Variants in PRKAR1A observed in about 807,000 individuals in gnomAD.
The protein encoded by PRKAR1A is cAMP-dependent protein kinase type I-alpha regulatory subunit.
Under a neutral mutation model 52.0 loss-of-function variants are expected in PRKAR1A, and 3 were observed. That is an observed-to-expected ratio of 0.06 (90% confidence interval 0.03 to 0.15). PRKAR1A has a LOEUF of 0.15. Among genes scored for constraint, PRKAR1A ranks in the 10% least tolerant of loss-of-function variants. The probability of loss-of-function intolerance (pLI) is 1.00; values close to 1 mark genes in which losing one functional copy is unlikely to be tolerated. For missense variants in PRKAR1A, 240 were observed against 477.4 expected, an observed-to-expected ratio of 0.50 and a Z score of 4.63; for synonymous variants, 188 against 168.4, an observed-to-expected ratio of 1.12 and a Z score of -0.90.
downstream of PRKAR1A, chr17:68,536,543 A>G (rs2086101775): frequency 2.2e-6 from 1 of 453,948 alleles, no homozygotes; most frequent in African/African-American, 2.0e-5. Flanking sequence ...AGGGAGGGGC[A>G]TCTAGAGGGC....
At chr17:68,543,705 C>T in intron 11 of PRKAR1A, 1 of 1,614,104 alleles carries the variant, frequency 6.2e-7, no homozygotes, top group Non-Finnish European at 8.5e-7. Flanking sequence ...ACTGGTGTCT[C>T]CTCATCTCGC....
chr17:68,458,801 G>T, the PRKAR1A span, among the ~76,000 whole-genome samples: 5 of 152,110 alleles, frequency 3.3e-5, no homozygotes, highest in Non-Finnish European at 5.9e-5. Context: ...ATTTTGAGAT[G>T]ATATTTTAGT....
At chr17:68,513,135 CCT>C (rs2085320803) in intron 1 of PRKAR1A, 1 of 152,458 alleles carries the variant, frequency 6.6e-6, no homozygotes, top group Admixed American at 6.5e-5. Flanking sequence ...ATTTTGCCCC[CCT>C]GAGGCCTCCT....
the PRKAR1A span, among the ~76,000 whole-genome samples, chr17:68,469,056 C>T: frequency 6.6e-6 from 1 of 152,142 alleles, no homozygotes; most frequent in Non-Finnish European, 1.5e-5. Context: ...CGCTGGCATT[C>T]CTGATGGGAT....
intron 11 of PRKAR1A, among the ~76,000 whole-genome samples, chr17:68,545,944 T>C (rs563861691): frequency 4.6e-5 from 7 of 151,906 alleles, no homozygotes; most frequent in South Asian, 2.1e-4. Flanking sequence ...CTGAGGCAGG[T>C]GGATCACGAG....
At chr17:68,482,614 A>G in the PRKAR1A span, among the ~76,000 whole-genome samples, 1 of 152,216 alleles carries the variant, frequency 6.6e-6, no homozygotes, top group African/African-American at 2.4e-5. Context: ...AACCCTAGAC[A>G]CCGGGTGAAG....
the PRKAR1A span, among the ~76,000 whole-genome samples, chr17:68,472,050 C>T: frequency 6.6e-5 from 10 of 152,192 alleles, no homozygotes; most frequent in Non-Finnish European, 1.0e-4. Context: ...GCAATCCGCC[C>T]GCCTGGGCCT....
chr17:68,534,628 T>TA (rs2086055988), downstream of PRKAR1A, among the ~76,000 whole-genome samples: 1 of 148,852 alleles, frequency 6.7e-6, no homozygotes, highest in Non-Finnish European at 1.5e-5. Context: ...TAAAAGCCCC[T>TA]AAGTGTAGTG....
the PRKAR1A span, among the ~76,000 whole-genome samples, chr17:68,492,835 A>G: frequency 2.0e-5 from 3 of 152,322 alleles, no homozygotes; most frequent in East Asian, 3.9e-4. Flanking sequence ...TACAAAGGAC[A>G]TGATCTCATT....
downstream of PRKAR1A, chr17:68,536,217 C>G (rs1402563734): frequency 2.2e-6 from 1 of 454,124 alleles, no homozygotes; most frequent in Non-Finnish European, 4.4e-6. Context: ...CTTGTACTCT[C>G]TTTAGTGACA....
the PRKAR1A span, among the ~76,000 whole-genome samples, chr17:68,437,520 C>T: frequency 2.6e-5 from 4 of 151,612 alleles, no homozygotes; most frequent in African/African-American, 9.7e-5. Flanking sequence ...TGCCACTGCA[C>T]TCCAGCCTGG....
chr17:68,515,647 A>T (rs1422254596), intron 2 of PRKAR1A, 71 bp downstream of exon 2: 12 of 1,513,106 alleles, frequency 7.9e-6, no homozygotes, highest in African/African-American at 1.4e-5. Context: ...GAATGTTACT[A>T]ATTTGTATTT....
At chr17:68,498,820 T>C in the PRKAR1A span, among the ~76,000 whole-genome samples, 1 of 152,224 alleles carries the variant, frequency 6.6e-6, no homozygotes, top group East Asian at 1.9e-4. Flanking sequence ...GGGGACACAC[T>C]GGCATCCTAC....
At chr17:68,515,197 A>T in intron 1 of PRKAR1A, 197 bp from the exon 2 acceptor site, 1 of 618,544 alleles carries the variant, frequency 1.6e-6, no homozygotes, top group Non-Finnish European at 2.8e-6. Context: ...ATCCTGAACT[A>T]AATGAAACAT....
the PRKAR1A span, among the ~76,000 whole-genome samples, chr17:68,440,500 G>GA: frequency 2.6e-4 from 40 of 152,006 alleles, no homozygotes; most frequent in South Asian, 1.7e-3. Flanking sequence ...AATATAAGGA[G>GA]AAAAAAAATC....
chr17:68,497,846 T>C, the PRKAR1A span, among the ~76,000 whole-genome samples: 1 of 152,124 alleles, frequency 6.6e-6, no homozygotes, highest in Non-Finnish European at 1.5e-5. Flanking sequence ...ACATAGACAT[T>C]GAATTGTAAC....
chr17:68,543,735 AG>A (rs1568725914), intron 11 of PRKAR1A: 1 of 1,609,114 alleles, frequency 6.2e-7, no homozygotes, highest in Non-Finnish European at 8.5e-7. Context: ...GAAGGAAGGA[AG>A]GAATCACGCC....
Position 68,528,988 on chromosome 17 carries a change from A to G in PRKAR1A, c.888A>G (p.Leu296=), listed in dbSNP as rs2085879855. Reference sequence around the variant, plus strand: ...CAGGGGATGAGTTCTTCATTATTTTAGAGGTAAAGAACTCAGAATTTAATA... The same window carrying G: ...CAGGGGATGAGTTCTTCATTATTTTGGAGGTAAAGAACTCAGAATTTAATA... ...GEPGDEFFII[L]EGSAAVLQRR... The change falls in exon 9 of 11, where the codon TTA becomes TTG. Residue 296 remains leucine, a synonymous_variant. Transcript: ENST00000589228. 1 of 1,613,644 alleles carries G rather than the reference A, an allele frequency of 6.2e-7. No individual in the cohort carries two copies. Among genetic ancestry groups the G allele is most frequent in the Non-Finnish European group, 8.5e-7 (1 of 1,179,774 alleles).
intron 11 of PRKAR1A, among the ~76,000 whole-genome samples, chr17:68,548,727 T>A (rs1026532404): frequency 1.1e-4 from 12 of 112,986 alleles, no homozygotes; most frequent in East Asian, 6.6e-4. Context: ...GCCTGTATAT[T>A]TTTTTTTTTT....
Sources: gnomAD v4.1 joint callset for allele counts (sites outside exome capture counted in the v4.1 genomes callset) on GRCh38, gnomAD v4.1.1 for gene constraint, MANE v1.5 for transcripts, NCBI Gene and HGNC (gene_info 2026-07-23, HGNC 2026-07-21) for gene names.